The following ERBB4 variants were observed in gnomAD, a reference collection of about 807,000 sequenced individuals.
ERBB4 encodes the protein receptor tyrosine-protein kinase erbB-4.
In ERBB4, 42 loss-of-function variants were observed where a neutral mutation model predicts 158.0. The observed-to-expected ratio is 0.27, with a 90% CI of 0.21 to 0.34. The LOEUF is 0.34. Among genes scored for constraint, ERBB4 ranks in the 10% least tolerant of loss-of-function variants. The probability of loss-of-function intolerance (pLI) is 1.00; values close to 1 mark genes in which losing one functional copy is unlikely to be tolerated. For missense variants in ERBB4, 1,333 were observed against 1,624.1 expected (o/e 0.82, Z 3.08); for synonymous variants, 583 against 558.7 (o/e 1.04, Z -0.61).
At chr2:212,499,194 C>T (rs1456519907) in intron 1 of ERBB4, among the ~76,000 whole-genome samples, 7 of 152,014 alleles carry the variant, frequency 4.6e-5, no homozygotes, top group Admixed American at 4.6e-4. Context: ...CCTAAGAAGT[C>T]CTTCCCATCC....
chr2:211,789,727 T>C lies in ERBB4; in HGVS notation c.422-1568A>G, dbSNP rs370054403. Reference sequence around the variant, plus strand: ...CCGACACCATCTCCCACGGTAGCCTTGAGAAATTCATCTCTCTTGTGTGGA... The same window carrying C: ...CCGACACCATCTCCCACGGTAGCCTCGAGAAATTCATCTCTCTTGTGTGGA... On this transcript the variant is annotated intron_variant, in intron 3 of 27. Coordinates refer to ENST00000342788, the MANE Select transcript of ERBB4 (RefSeq NM_005235.3). 2.0e-5 allele frequency among the ~76,000 whole-genome samples: 3 copies of C among 151,996 alleles called. No individual in the cohort carries two copies. The East Asian group carries it at 5.8e-4, about 29-fold the overall frequency.
intron 20 of ERBB4, among the ~76,000 whole-genome samples, chr2:211,481,137 A>G (rs2065072424): frequency 6.6e-6 from 1 of 152,226 alleles, no homozygotes. Flanking sequence ...AAGAGGTCAT[A>G]GAAACATTAG....
chr2:211,486,040 A>G (rs954523293), intron 20 of ERBB4, among the ~76,000 whole-genome samples: 7 of 152,102 alleles, frequency 4.6e-5, no homozygotes, highest in African/African-American at 1.4e-4. Flanking sequence ...ATATGTAAAT[A>G]TATTCATACA....
intron 7 of ERBB4, among the ~76,000 whole-genome samples, chr2:211,721,479 ATATC>A (rs2074092249): frequency 7.3e-6 from 1 of 137,424 alleles, no homozygotes; most frequent in Non-Finnish European, 1.5e-5. Flanking sequence ...AGTCAAGTAA[ATATC>A]AATATATTAT....
intron 3 of ERBB4, among the ~76,000 whole-genome samples, chr2:211,939,979 A>ATATATG (rs2080444693): frequency 6.7e-6 from 1 of 149,118 alleles, no homozygotes; most frequent in Non-Finnish European, 1.5e-5. Flanking sequence ...ATATATATAT[A>ATATATG]TGTATATAGA....
At chr2:211,617,440 G>C (rs2069432218) in intron 19 of ERBB4, among the ~76,000 whole-genome samples, 2 of 152,088 alleles carry the variant, frequency 1.3e-5, no homozygotes, top group Admixed American at 1.3e-4. Context: ...ATATGAGCCA[G>C]GACATGTAGC....
rs1375248099 is a variant in ERBB4 at position 211,379,630 on chromosome 2, C to T, written c.*3985G>A. 2.2e-5 allele frequency: 5 copies of T among 231,416 alleles called. No homozygotes were observed. The highest frequency in any genetic ancestry group is 8.8e-5 in the African/African-American group (4 of 45,270). 14.3% of individuals were successfully genotyped at this position (231,416 alleles called of 1,614,324 possible). A position where few individuals can be genotyped will look rare whatever the true frequency, so the allele number is the denominator to read the frequency against. Reference sequence around the variant, plus strand: ...TTGATTTATTTAATAATATTAAAATCATTTAACATCTGATAACCTAACTAA... The same window carrying T: ...TTGATTTATTTAATAATATTAAAATTATTTAACATCTGATAACCTAACTAA... On this transcript the variant is annotated 3_prime_UTR_variant, in exon 28 of 28. Coordinates refer to ENST00000342788, the MANE Select transcript of ERBB4 (RefSeq NM_005235.3).
At chr2:212,256,293 A>C (rs1195579207) in intron 1 of ERBB4, among the ~76,000 whole-genome samples, 2 of 152,186 alleles carry the variant, frequency 1.3e-5, no homozygotes, top group African/African-American at 4.8e-5. Context: ...TTTTATTAAC[A>C]TAATATAAAG....
At chr2:211,987,044 G>A (rs1319383608) in intron 2 of ERBB4, among the ~76,000 whole-genome samples, 1 of 151,968 alleles carries the variant, frequency 6.6e-6, no homozygotes, top group Non-Finnish European at 1.5e-5. Context: ...TCACACAGTG[G>A]GTGCAGTGGC....
chr2:211,619,029 G>A (rs1425080523), intron 19 of ERBB4, 148 bp downstream of exon 19: 1 of 638,216 alleles, frequency 1.6e-6, no homozygotes, highest in African/African-American at 1.8e-5. Flanking sequence ...ATGTGAATTG[G>A]TCTTAGAAAT....
At chr2:211,414,133 T>C (rs2063329653) in intron 25 of ERBB4, among the ~76,000 whole-genome samples, 1 of 152,184 alleles carries the variant, frequency 6.6e-6, no homozygotes, top group African/African-American at 2.4e-5. Context: ...TAGGCCTTTG[T>C]CTGCCTCCTA....
chr2:212,204,035 A>C (rs2082663835), intron 1 of ERBB4, among the ~76,000 whole-genome samples: 1 of 152,234 alleles, frequency 6.6e-6, no homozygotes, highest in South Asian at 2.1e-4. Context: ...AAAATTATAA[A>C]GATTATCAAC....
chr2:212,431,234 A>G (rs913467505), intron 1 of ERBB4, among the ~76,000 whole-genome samples: 1 of 149,268 alleles, frequency 6.7e-6, no homozygotes, highest in Non-Finnish European at 1.5e-5. Flanking sequence ...ATTCTCATCT[A>G]AACAGCTCCT....
intron 1 of ERBB4, among the ~76,000 whole-genome samples, chr2:212,354,992 A>C (rs568745231): frequency 1.3e-5 from 2 of 152,192 alleles, no homozygotes; most frequent in Non-Finnish European, 2.9e-5. Flanking sequence ...ACAATGTAAG[A>C]GGGCACATGT....
At chr2:211,693,991 G>A (rs989799388) in intron 12 of ERBB4, among the ~76,000 whole-genome samples, 15 of 152,124 alleles carry the variant, frequency 9.9e-5, no homozygotes, top group Admixed American at 3.9e-4. Context: ...TTCACATGGC[G>A]TTCTCATTTG....
chr2:211,772,844 T>TATATATATATATATATATACAC (rs2075735634), intron 4 of ERBB4, among the ~76,000 whole-genome samples: 2 of 65,230 alleles, frequency 3.1e-5, no homozygotes, highest in Non-Finnish European at 5.8e-5. Context: ...TACACATATA[T>TATATATATATATATATATACAC]ATATATATAT....
chr2:212,482,329 G>A (rs2106164202), intron 1 of ERBB4, among the ~76,000 whole-genome samples: 1 of 152,298 alleles, frequency 6.6e-6, no homozygotes, highest in South Asian at 2.1e-4. Flanking sequence ...TACTTCTTCA[G>A]CTACTGAGAG....
At chr2:212,304,706 C>G (rs1189723781) in intron 1 of ERBB4, among the ~76,000 whole-genome samples, 2 of 151,450 alleles carry the variant, frequency 1.3e-5, no homozygotes, top group Non-Finnish European at 1.5e-5. Context: ...ATTTTCCACC[C>G]TGTAAGGTTT....
chr2:211,389,960 C>T (rs1459156407), intron 25 of ERBB4, among the ~76,000 whole-genome samples: 3 of 152,126 alleles, frequency 2.0e-5, no homozygotes, highest in Non-Finnish European at 4.4e-5. Context: ...TTTTAAAATG[C>T]TCACCTGTTC....
Sources: allele counts gnomAD v4.1 joint callset (sites outside exome capture counted in the v4.1 genomes callset), GRCh38; gene constraint gnomAD v4.1.1; transcripts MANE v1.5; gene names NCBI Gene and HGNC (gene_info 2026-07-23, HGNC 2026-07-21).